The following GLIS3 variants were observed in gnomAD, a reference collection of about 807,000 sequenced individuals.
GLIS3 encodes the protein GLIS family zinc finger 3.
GLIS3 carries 53 observed loss-of-function variants against 78.6 expected under a neutral mutation model. That is an observed-to-expected ratio of 0.67 (90% CI 0.54 to 0.85). GLIS3 has a LOEUF of 0.85. GLIS3 is among the 40% of genes least tolerant of loss of function. The probability of loss-of-function intolerance (pLI) is 0.00; values close to 1 mark genes in which losing one functional copy is unlikely to be tolerated. For missense variants in GLIS3, 1,703 were observed against 1,231.1 expected, an observed-to-expected ratio of 1.38 and a Z score of -5.74; for synonymous variants, 684 against 509.9, an observed-to-expected ratio of 1.34 and a Z score of -4.60.
intron 2 of GLIS3, among the ~76,000 whole-genome samples, chr9:4,216,858 G>GCATTA (rs1436490485): frequency 1.3e-5 from 2 of 152,268 alleles, no homozygotes; most frequent in East Asian, 3.9e-4. Flanking sequence ...AATGTCACGT[G>GCATTA]CATTATGTTA....
At chr9:4,228,883 A>G (rs1822010499) in intron 2 of GLIS3, among the ~76,000 whole-genome samples, 1 of 152,234 alleles carries the variant, frequency 6.6e-6, no homozygotes, top group Admixed American at 6.5e-5. Flanking sequence ...TCTACCCACC[A>G]GAAGGGCCAG....
At chr9:3,945,935 T>C (rs1816265126) in intron 4 of GLIS3, among the ~76,000 whole-genome samples, 1 of 152,210 alleles carries the variant, frequency 6.6e-6, no homozygotes, top group African/African-American at 2.4e-5. Flanking sequence ...TCTCCCCTCT[T>C]ACCTGTTCCC....
intron 8 of GLIS3, among the ~76,000 whole-genome samples, chr9:3,861,611 A>G (rs1401213524): frequency 6.6e-6 from 1 of 152,250 alleles, no homozygotes; most frequent in Non-Finnish European, 1.5e-5. Flanking sequence ...ACCCATAAAA[A>G]GGAATGAGAT....
At chr9:4,298,971 C>T (rs1040660341) in intron 1 of GLIS3, among the ~76,000 whole-genome samples, 1 of 152,194 alleles carries the variant, frequency 6.6e-6, no homozygotes, top group African/African-American at 2.4e-5. Context: ...TCACGTCACC[C>T]CATCAGTTCC....
the GLIS3 span, among the ~76,000 whole-genome samples, chr9:4,472,533 C>G: frequency 4.0e-5 from 6 of 150,850 alleles, no homozygotes; most frequent in Non-Finnish European, 5.9e-5. Flanking sequence ...TGCATATTCT[C>G]ACTCATAAGT....
chr9:4,291,703 T>C (rs185745464), intron 1 of GLIS3, among the ~76,000 whole-genome samples: 13 of 152,232 alleles, frequency 8.5e-5, no homozygotes, highest in Non-Finnish European at 1.2e-4. Context: ...AGAAGCAGCA[T>C]TGAGAGCCTT....
chr9:3,826,577 G>A lies in GLIS3; in HGVS notation c.*1695C>T, dbSNP rs990686467. The A allele has an allele frequency of 4.6e-5, 7 of 152,164 alleles. No homozygotes were observed. Among genetic ancestry groups the A allele is most frequent in the African/African-American group, 1.7e-4 (7 of 41,432 alleles). The allele number at this position is 152,164 out of a possible 1,614,324, so 9.4% of individuals were successfully genotyped here. The stretch of plus-strand genomic sequence containing the variant: ...AAACTAGATTGACCAAGTGCACTGT[G>A]AAAACAAAACCCACACTTGGTTCTT... On this transcript the variant is annotated 3_prime_UTR_variant, in exon 11 of 11. Coordinates refer to ENST00000381971, the MANE Select transcript of GLIS3 (RefSeq NM_001042413.2).
At chr9:4,350,095 C>A (rs115050248), upstream of GLIS3, among the ~76,000 whole-genome samples, 15 of 152,314 alleles carry the variant, frequency 9.8e-5, no homozygotes, top group African/African-American at 3.1e-4. Flanking sequence ...CAGCTGATAG[C>A]AGCATAGTGA....
chr9:3,903,388 C>A (rs1038540408), intron 6 of GLIS3, among the ~76,000 whole-genome samples: 1 of 152,200 alleles, frequency 6.6e-6, no homozygotes, highest in Non-Finnish European at 1.5e-5. Context: ...CTGCTCTTTG[C>A]GGAGAAAAGT....
At chr9:4,045,611 A>G (rs767917334) in intron 4 of GLIS3, among the ~76,000 whole-genome samples, 4 of 151,888 alleles carry the variant, frequency 2.6e-5, no homozygotes, top group Non-Finnish European at 5.9e-5. Flanking sequence ...TGCTGACATT[A>G]CAGATGTGAG....
intron 4 of GLIS3, chr9:3,974,997 G>C (rs1818657285): frequency 2.6e-5 from 4 of 152,168 alleles, no homozygotes. Context: ...GAAGAGGCAT[G>C]CGAAGAGGGG....
At chr9:3,958,338 T>A (rs954361240) in intron 4 of GLIS3, among the ~76,000 whole-genome samples, 5 of 152,198 alleles carry the variant, frequency 3.3e-5, no homozygotes, top group African/African-American at 1.2e-4. Flanking sequence ...GACGCTTACA[T>A]AAAAGTTTCC....
intron 4 of GLIS3, among the ~76,000 whole-genome samples, chr9:4,086,541 C>T (rs572117150): frequency 1.3e-5 from 2 of 152,148 alleles, no homozygotes; most frequent in African/African-American, 4.8e-5. Context: ...AAGGATCTTC[C>T]AGAAAACAAA....
At chr9:4,159,141 T>C (rs764039274) in intron 2 of GLIS3, among the ~76,000 whole-genome samples, 7 of 151,536 alleles carry the variant, frequency 4.6e-5, no homozygotes, top group Non-Finnish European at 1.0e-4. Flanking sequence ...GACTATAAGC[T>C]CCTTGAGAAC....
At chr9:4,424,461 C>T in the GLIS3 span, among the ~76,000 whole-genome samples, 1 of 152,148 alleles carries the variant, frequency 6.6e-6, no homozygotes, top group Non-Finnish European at 1.5e-5. Context: ...GAGTATGACC[C>T]GAGAAAATAA....
At chr9:4,314,266 C>G (rs1420783649) in intron 2 of GLIS3, among the ~76,000 whole-genome samples, 1 of 151,966 alleles carries the variant, frequency 6.6e-6, no homozygotes, top group Non-Finnish European at 1.5e-5. Context: ...ATGGCAGGAT[C>G]AGAATTAGAA....
rs377279882 is a variant in GLIS3 at position 4,118,749 on chromosome 9, C to A, written c.729G>T (p.Gln243His). Reference protein sequence around the residue: ...ALPSLSNHGSQNGLDLGDLLS... With the variant: ...ALPSLSNHGSHNGLDLGDLLS... The stretch of plus-strand genomic sequence containing the variant: ...GGAGATCCCCTAGATCAAGGCCATT[C>A]TGAGAGCCGTGGTTGGAGAGCGAAG... Residue 243 changes from glutamine to histidine, a missense_variant, in exon 4 of 11, where the codon CAG becomes CAT. Physicochemically the swap from Gln to His is conservative, Grantham distance 24 (BLOSUM62 0). Transcript: ENST00000381971. This position sits in a 1 kb window ranked among gnomAD's most constrained non-coding sequence, Gnocchi z 4.7. The A allele has an allele frequency of 6.2e-7, 1 of 1,613,822 alleles. No homozygotes were observed. The highest frequency in any genetic ancestry group is 1.3e-5 in the African/African-American group (1 of 74,900).
chr9:4,421,742 CT>C, the GLIS3 span, among the ~76,000 whole-genome samples: 1 of 152,200 alleles, frequency 6.6e-6, no homozygotes, highest in African/African-American at 2.4e-5. Flanking sequence ...CCCTTCCTTT[CT>C]TCCATTCACA....
chr9:4,345,856 C>CT (rs1486550100), intron 2 of GLIS3, among the ~76,000 whole-genome samples: 1 of 152,118 alleles, frequency 6.6e-6, no homozygotes, highest in South Asian at 2.1e-4. Context: ...AATGACACGT[C>CT]TTTTTTTCTT....
Sources: gnomAD v4.1 joint callset for allele counts (sites outside exome capture counted in the v4.1 genomes callset) on GRCh38, gnomAD v4.1.1 for gene constraint, Gnocchi (gnomAD v3.1) non-coding constraint, MANE v1.5 for transcripts, NCBI Gene and HGNC (gene_info 2026-07-23, HGNC 2026-07-21) for gene names.